ANKIB1: variants seen among roughly 807,000 people sequenced by gnomAD.
ANKIB1 encodes ankyrin repeat and IBR domain containing 1.
Under a neutral mutation model 122.1 loss-of-function variants are expected in ANKIB1, and 43 were observed. The observed-to-expected ratio is 0.35, with a 90% CI of 0.28 to 0.45. The LOEUF (loss-of-function observed/expected upper bound fraction) is 0.45, where lower values mean the gene tolerates loss of function less well. Ranked by LOEUF, ANKIB1 falls within the 20% of genes least tolerant of loss-of-function variation. The pLI, the probability that ANKIB1 is intolerant of heterozygous loss-of-function variation, is 1.00. For missense variants in ANKIB1, 992 were observed against 1,329.5 expected (o/e 0.75, Z 3.95); for synonymous variants, 390 against 442.0 (o/e 0.88, Z 1.48).
intron 7 of ANKIB1, among the ~76,000 whole-genome samples, chr7:92,350,391 A>G (rs1292152150): frequency 6.6e-6 from 1 of 152,132 alleles, no homozygotes; most frequent in East Asian, 1.9e-4. Context: ...ATTTTTAGAG[A>G]GGGTAAAGCA....
intron 1 of ANKIB1, among the ~76,000 whole-genome samples, chr7:92,272,445 T>C (rs1361037298): frequency 6.6e-6 from 1 of 152,190 alleles, no homozygotes; most frequent in Non-Finnish European, 1.5e-5. Flanking sequence ...TTACCTTTAA[T>C]TGTTTTCTTT....
In ANKIB1 at chr7:92,358,152, G is replaced by T. The variant is rs141633804; in HGVS notation, c.1398-4033G>T. 2.7e-3 allele frequency among the ~76,000 whole-genome samples: 409 copies of T among 152,278 alleles called. 5 individuals carry two copies. The highest frequency in any genetic ancestry group is 9.4e-3 in the African/African-American group (391 of 41,558). Reference sequence around the variant, plus strand: ...ATCTACTCGGGAGGCTGAGGCAGGAGAATCACTTGAACCGAGGAGGCGGAG... The same window carrying T: ...ATCTACTCGGGAGGCTGAGGCAGGATAATCACTTGAACCGAGGAGGCGGAG... On this transcript the variant is annotated intron_variant, in intron 9 of 19. Transcript: ENST00000265742.
At chr7:92,367,407 T>C (rs1804113553) in intron 10 of ANKIB1, among the ~76,000 whole-genome samples, 1 of 152,210 alleles carries the variant, frequency 6.6e-6, no homozygotes, top group African/African-American at 2.4e-5. Flanking sequence ...TAGAACCCCA[T>C]CATTAAATAT....
intron 1 of ANKIB1, among the ~76,000 whole-genome samples, chr7:92,285,436 C>T (rs751230296): frequency 6.6e-6 from 1 of 152,066 alleles, no homozygotes; most frequent in East Asian, 1.9e-4. Flanking sequence ...TATTGGTGGA[C>T]GTTTTAGTCT....
intron 1 of ANKIB1, among the ~76,000 whole-genome samples, chr7:92,269,351 A>G (rs573925245): frequency 3.7e-4 from 57 of 152,352 alleles, no homozygotes; most frequent in African/African-American, 1.3e-3. Context: ...TTAAATTAGA[A>G]AAAACAAGTA....
chr7:92,335,825 C>G (rs1171325117), intron 5 of ANKIB1, among the ~76,000 whole-genome samples: 1 of 151,824 alleles, frequency 6.6e-6, no homozygotes, highest in African/African-American at 2.4e-5. Context: ...TTCTGTTTGT[C>G]TCTTTATTTT....
chr7:92,399,159 T>G lies in ANKIB1; in HGVS notation c.*210T>G. On this transcript the variant is annotated 3_prime_UTR_variant, in exon 20 of 20. Coordinates refer to ENST00000265742, the MANE Select transcript of ANKIB1 (RefSeq NM_019004.2). ...CCTTTGTACTTAATTGAATAGCTTT[T>G]CCCCTTTTTGCTGACAAAAAGAAGA... 4.7e-6 allele frequency: 2 copies of G among 428,170 alleles called. No homozygotes were observed. Among genetic ancestry groups the G allele is most frequent in the Non-Finnish European group, 7.7e-6 (2 of 259,272 alleles). The allele number at this position is 428,170 out of a possible 1,614,324, so 26.5% of individuals were successfully genotyped here. A position where few individuals can be genotyped will look rare whatever the true frequency, so the allele number is the denominator to read the frequency against.
At chr7:92,269,845 G>A (rs374039554) in intron 1 of ANKIB1, among the ~76,000 whole-genome samples, 389 of 150,900 alleles carry the variant, frequency 2.6e-3, no homozygotes, top group African/African-American at 9.1e-3. Flanking sequence ...TGTGTACAGC[G>A]TGCAGGTTTG....
At chr7:92,290,370 A>AGTGTGTGTGTGTGTGTGT (rs34404682) in intron 1 of ANKIB1, among the ~76,000 whole-genome samples, 11 of 141,410 alleles carry the variant, frequency 7.8e-5, no homozygotes, top group East Asian at 4.1e-4. Flanking sequence ...TATGTATGAA[A>AGTGTGTGTGTGTGTGTGT]GTGTGTGTGT....
intron 1 of ANKIB1, among the ~76,000 whole-genome samples, chr7:92,292,786 G>C (rs1190029999): frequency 6.6e-6 from 1 of 152,126 alleles, no homozygotes; most frequent in Non-Finnish European, 1.5e-5. Flanking sequence ...TTGTGTATAT[G>C]CATACATATT....
chr7:92,267,542 C>T (rs1029755121), intron 1 of ANKIB1, among the ~76,000 whole-genome samples: 1 of 152,102 alleles, frequency 6.6e-6, no homozygotes, highest in African/African-American at 2.4e-5. Flanking sequence ...TAAAAAATCT[C>T]CATAGAGATT....
chr7:92,287,566 GCTT>G (rs1340428929), intron 1 of ANKIB1, among the ~76,000 whole-genome samples: 2 of 152,160 alleles, frequency 1.3e-5, no homozygotes, highest in African/African-American at 4.8e-5. Context: ...AATCTCCTGT[GCTT>G]CTCCACTGTG....
chr7:92,259,568 T>G (rs1486812738), intron 1 of ANKIB1, among the ~76,000 whole-genome samples: 1 of 152,222 alleles, frequency 6.6e-6, no homozygotes, highest in East Asian at 1.9e-4. Flanking sequence ...GGATTTATAT[T>G]TTTGTAAACT....
intron 4 of ANKIB1, among the ~76,000 whole-genome samples, chr7:92,322,071 G>T (rs1461292868): frequency 6.6e-6 from 1 of 152,034 alleles, no homozygotes; most frequent in Non-Finnish European, 1.5e-5. Context: ...AACAACTTCC[G>T]TTTGCCATAT....
intron 1 of ANKIB1, among the ~76,000 whole-genome samples, chr7:92,253,808 G>A (rs1271788122): frequency 6.6e-6 from 1 of 152,110 alleles, no homozygotes; most frequent in African/African-American, 2.4e-5. Context: ...GTGGTAGAAT[G>A]TTTAACAGTC....
intron 4 of ANKIB1, among the ~76,000 whole-genome samples, chr7:92,326,445 C>T (rs547627898): frequency 6.6e-5 from 10 of 152,108 alleles, no homozygotes; most frequent in African/African-American, 2.4e-4. Flanking sequence ...TGATGGATAA[C>T]CTGAAAAAGA....
intron 2 of ANKIB1, among the ~76,000 whole-genome samples, chr7:92,305,210 A>G (rs990379944): frequency 6.6e-6 from 1 of 152,110 alleles, no homozygotes; most frequent in Admixed American, 6.5e-5. Context: ...TGTAAATCAT[A>G]TATTAGTTGT....
intron 1 of ANKIB1, among the ~76,000 whole-genome samples, chr7:92,261,394 GT>G (rs368750771): frequency 1.7e-5 from 1 of 59,090 alleles, no homozygotes; most frequent in East Asian, 3.0e-4. Flanking sequence ...TTTTTTGTTT[GT>G]TTTGTTTTGT....
At chr7:92,257,792 C>CA (rs975245261) in intron 1 of ANKIB1, among the ~76,000 whole-genome samples, 3 of 151,648 alleles carry the variant, frequency 2.0e-5, no homozygotes, top group Non-Finnish European at 2.9e-5. Context: ...AACTCTGTCT[C>CA]AAAAAAAATA....
Sources: gnomAD v4.1 joint callset for allele counts (sites outside exome capture counted in the v4.1 genomes callset) on GRCh38, gnomAD v4.1.1 for gene constraint, MANE v1.5 for transcripts, NCBI Gene and HGNC (gene_info 2026-07-23, HGNC 2026-07-21) for gene names.